TXNDC5: variants seen among roughly 807,000 people sequenced by gnomAD.
TXNDC5 encodes the protein thioredoxin domain containing 5, also known as thioredoxin domain-containing protein 5.
In TXNDC5, 44 loss-of-function variants were observed where a neutral mutation model predicts 52.6. The observed-to-expected ratio is 0.84, with a 90% CI of 0.66 to 1.08. The LOEUF is 1.08. Ranked by LOEUF, TXNDC5 falls within the 50% of genes least tolerant of loss-of-function variation. The probability of loss-of-function intolerance (pLI) is 0.00; values close to 1 mark genes in which losing one functional copy is unlikely to be tolerated. For missense variants in TXNDC5, 600 were observed against 565.5 expected, an observed-to-expected ratio of 1.06 and a Z score of -0.62; for synonymous variants, 241 against 234.4, an observed-to-expected ratio of 1.03 and a Z score of -0.26.
chr6:7,884,256 T>C (rs762531183), intron 9 of TXNDC5, 103 bp downstream of exon 9: 9 of 1,480,608 alleles, frequency 6.1e-6, no homozygotes, highest in Admixed American at 1.9e-5. Flanking sequence ...AACCACATTG[T>C]TGAGAAGATG....
Position 7,892,689 on chromosome 6 carries a change from C to T in TXNDC5, c.617-953G>A, listed in dbSNP as rs1220386406. Among the ~76,000 whole-genome samples, 8 of 152,354 alleles carry T rather than the reference C, an allele frequency of 5.3e-5. No individual in the cohort carries two copies. The East Asian group carries it at 1.4e-3, about 26-fold the overall frequency. ...GGTTTTAAAAACGGGAGTTTCCCTA[C>T]ACAAGCTCTTTTTGCCTGCTGATAT... On this transcript the variant is annotated intron_variant, in intron 4 of 9. Coordinates refer to ENST00000379757, the MANE Select transcript of TXNDC5 (RefSeq NM_030810.5).
In TXNDC5 at chr6:7,899,699, G is replaced by A; in HGVS notation, c.414-18C>T. ...GCTTTAAGCTGAAAGAATAACAAAG[G>A]ATTAGACAGAGCAAAAAGAAAGTTG... On this transcript the variant is annotated intron_variant, in intron 2 of 9. Coordinates refer to ENST00000379757, the MANE Select transcript of TXNDC5 (RefSeq NM_030810.5). The A allele has an allele frequency of 1.3e-6, 2 of 1,598,592 alleles. No individual in the cohort carries two copies. Among genetic ancestry groups the A allele is most frequent in the Non-Finnish European group, 1.7e-6 (2 of 1,170,562 alleles).
intron 9 of TXNDC5, 152 bp downstream of exon 9, chr6:7,884,207 C>CT (rs957923072): frequency 3.8e-6 from 4 of 1,045,118 alleles, no homozygotes; most frequent in Middle Eastern, 3.3e-4. Flanking sequence ...GAGAGGATCT[C>CT]TTTTGCTTCT....
rs1264381639 is a variant in TXNDC5, at chr6:7,891,676, G to C, written c.677C>G (p.Thr226Ser). 2 of 1,614,032 alleles carry C rather than the reference G, an allele frequency of 1.2e-6. No homozygotes were observed. Among genetic ancestry groups the C allele is most frequent in the East Asian group, 4.5e-5 (2 of 44,876 alleles). Residue 226 changes from threonine to serine, a missense_variant, in exon 5 of 10, where the codon ACC becomes AGC. By Grantham distance (58) the Thr-to-Ser change is moderately conservative (BLOSUM62 1). Transcript: ENST00000379757. Reference protein sequence around the residue: ...WCGHCKALAPTWEQLALGLEH... With the variant: ...WCGHCKALAPSWEQLALGLEH... ...AAGGCCCAGAGCCAGCTGCTCCCAG[G>C]TTGGAGCCAGGGCTTTGCAGTGACC...
intron 8 of TXNDC5, 125 bp downstream of exon 8, chr6:7,885,836 C>T (rs1478716600): frequency 1.3e-6 from 1 of 778,562 alleles, no homozygotes; most frequent in African/African-American, 1.8e-5. Context: ...TTTCCTACAA[C>T]ATGACCTACA....
intron 2 of TXNDC5, among the ~76,000 whole-genome samples, chr6:7,903,859 T>C (rs1760649101): frequency 1.3e-5 from 2 of 152,180 alleles, no homozygotes; most frequent in African/African-American, 4.8e-5. Flanking sequence ...AGCTCCTGTT[T>C]CCCTGGCCAC....
chr6:7,909,939 G>A (rs1220604234), intron 1 of TXNDC5: 1 of 985,934 alleles, frequency 1.0e-6, no homozygotes, highest in Non-Finnish European at 1.2e-6. Context: ...CCACGGGCAG[G>A]CCGCGCGTCC....
At chr6:7,897,675 C>T (rs895587035) in intron 3 of TXNDC5, among the ~76,000 whole-genome samples, 4 of 152,188 alleles carry the variant, frequency 2.6e-5, no homozygotes, top group Non-Finnish European at 2.9e-5. Context: ...CCCTTTCCAA[C>T]CTGCAGGTGA....
chr6:7,889,366 C>T, intron 6 of TXNDC5, 129 bp downstream of exon 6: 4 of 719,490 alleles, frequency 5.6e-6, no homozygotes, highest in Non-Finnish European at 9.2e-6. Flanking sequence ...TTTCATTATA[C>T]ACATTTCTCC....
intron 3 of TXNDC5, 128 bp downstream of exon 3, chr6:7,899,448 G>T: frequency 1.8e-6 from 1 of 562,478 alleles, no homozygotes. Flanking sequence ...AAAAAGTAGA[G>T]TTGCTTTAAA....
intron 3 of TXNDC5, among the ~76,000 whole-genome samples, chr6:7,896,716 C>T (rs1408773585): frequency 6.6e-6 from 1 of 152,140 alleles, no homozygotes; most frequent in Non-Finnish European, 1.5e-5. Context: ...TACCGTGTGC[C>T]ACTCTCCATG....
rs1248803448 is a variant in TXNDC5, at chr6:7,882,963, TTAA to T, written c.*178_*180del. 1.4e-6 allele frequency: 1 copy of T among 735,208 alleles called. No individual in the cohort carries two copies. The highest frequency in any genetic ancestry group is 2.1e-6 in the Non-Finnish European group (1 of 475,906). The allele number at this position is 735,208 out of a possible 1,614,324, so 45.5% of individuals were successfully genotyped here. The stretch of plus-strand genomic sequence containing the variant: ...ACACATTTACTTAGAGAAACTTAAC[TTAA>T]TAAAGAATCTGTAGAGTGTGTTGGC... On this transcript the variant is annotated 3_prime_UTR_variant, in exon 10 of 10. Transcript: ENST00000379757.
intron 6 of TXNDC5, 28 bp from the exon 7 acceptor site, chr6:7,888,876 G>T: frequency 6.3e-7 from 1 of 1,583,216 alleles, no homozygotes; most frequent in South Asian, 1.2e-5. Flanking sequence ...ACGCGGCTGA[G>T]TGAGTCCACT....
intron 4 of TXNDC5, among the ~76,000 whole-genome samples, chr6:7,894,430 G>A (rs1376709907): frequency 6.6e-6 from 1 of 152,076 alleles, no homozygotes; most frequent in Non-Finnish European, 1.5e-5. Context: ...AGAAGCTTTT[G>A]TTTCTGCCTG....
At chr6:7,886,587 T>TA (rs1759991475) in intron 7 of TXNDC5, among the ~76,000 whole-genome samples, 2 of 152,284 alleles carry the variant, frequency 1.3e-5, no homozygotes, top group South Asian at 4.1e-4. Flanking sequence ...ACATTGAACA[T>TA]AAAAATGGAA....
At chr6:7,888,883 C>T (rs1424821482) in intron 6 of TXNDC5, 35 bp from the exon 7 acceptor site, 1 of 1,569,732 alleles carries the variant, frequency 6.4e-7, no homozygotes, top group South Asian at 1.2e-5. Flanking sequence ...TGAGTGAGTC[C>T]ACTGAGGTGT....
At chr6:7,902,317 C>A (rs1483364950) in intron 2 of TXNDC5, among the ~76,000 whole-genome samples, 2 of 152,186 alleles carry the variant, frequency 1.3e-5, no homozygotes, top group East Asian at 3.8e-4. Flanking sequence ...CCCCGTCAGT[C>A]CTGCCCTGCT....
chr6:7,907,687 C>T (rs1237485280), intron 1 of TXNDC5, among the ~76,000 whole-genome samples: 1 of 152,198 alleles, frequency 6.6e-6, no homozygotes, highest in Non-Finnish European at 1.5e-5. Flanking sequence ...GCTCCAAACG[C>T]TCAGCTCACC....
rs1290611263 is a variant in TXNDC5 at position 7,910,734 on chromosome 6, G to C, written c.43C>G (p.Pro15Ala). Reference protein sequence around the residue: ...PGRLLPLLARPAALTALLLLL... With the variant: ...PGRLLPLLARAAALTALLLLL... ...AGCAGCAGCGCAGTCAGGGCCGCCG[G>C]CCGGGCCAGCAGCGGGAGGAGGCGT... The change falls in exon 1 of 10, where the codon CCG (proline) becomes GCG (alanine). Residue 15 changes from proline (P) to alanine (A), a missense_variant. Transcript: ENST00000379757. 1.2e-5 allele frequency: 12 copies of C among 1,025,952 alleles called. No homozygotes were observed. Among genetic ancestry groups the C allele is most frequent in the Non-Finnish European group, 1.3e-5 (11 of 860,348 alleles). 63.6% of individuals were successfully genotyped at this position (1,025,952 alleles called of 1,614,324 possible). A position where few individuals can be genotyped will look rare whatever the true frequency, so the allele number is the denominator to read the frequency against.
Sources: allele counts gnomAD v4.1 joint callset (sites outside exome capture counted in the v4.1 genomes callset), GRCh38; gene constraint gnomAD v4.1.1; transcripts MANE v1.5; gene names NCBI Gene and HGNC (gene_info 2026-07-23, HGNC 2026-07-21).